The following TK2 variants were observed in gnomAD, a reference collection of about 807,000 sequenced individuals.
The protein encoded by TK2 is thymidine kinase 2.
TK2 carries 35 observed loss-of-function variants against 41.9 expected under a neutral mutation model. That is an observed-to-expected ratio of 0.84 (90% CI 0.64 to 1.11). TK2 has a LOEUF of 1.11. Ranked by LOEUF, TK2 falls within the 50% of genes least tolerant of loss-of-function variation. The probability of loss-of-function intolerance (pLI) is 0.00; values close to 1 mark genes in which losing one functional copy is unlikely to be tolerated. For missense variants in TK2, 320 were observed against 351.1 expected, an observed-to-expected ratio of 0.91 and a Z score of 0.71; for synonymous variants, 128 against 129.1, an observed-to-expected ratio of 0.99 and a Z score of 0.06.
Position 66,517,885 on chromosome 16 carries a change from G to C in TK2, c.450-8C>G, listed in dbSNP as rs1240258827. On this transcript the variant is annotated splice_region_variant and splice_polypyrimidine_tract_variant and intron_variant, in intron 6 of 9. Transcript: ENST00000544898. The surrounding 1 kb of genome is among the most constrained non-coding windows in gnomAD (Gnocchi z 4.3). ...ACTTCTGGCATCTTCCCACTGCAAT[G>C]AGAGTTGTAAGGGCTTATTCACCTA... 2 of 1,613,102 alleles carry C rather than the reference G, an allele frequency of 1.2e-6. No homozygotes were observed. Among genetic ancestry groups the C allele is most frequent in the African/African-American group, 2.7e-5 (2 of 75,054 alleles).
intron 6 of TK2, among the ~76,000 whole-genome samples, chr16:66,524,314 T>C (rs1964866410): frequency 1.3e-5 from 2 of 152,134 alleles, no homozygotes. Context: ...GGGCGCCCTG[T>C]GGACCACCTG....
At chr16:66,527,140 A>G (rs964281808) in intron 6 of TK2, among the ~76,000 whole-genome samples, 2 of 152,204 alleles carry the variant, frequency 1.3e-5, no homozygotes, top group Admixed American at 1.3e-4. Flanking sequence ...CTGGAAACCC[A>G]GGTTGTCAGG....
chr16:66,547,551 C>T (rs1965645879), intron 2 of TK2, among the ~76,000 whole-genome samples: 2 of 152,194 alleles, frequency 1.3e-5, no homozygotes, highest in Non-Finnish European at 1.5e-5. Flanking sequence ...TCTGCTCCAT[C>T]TCCCAGCAGG....
At chr16:66,516,402 T>C (rs780874704) in intron 8 of TK2, among the ~76,000 whole-genome samples, 13 of 152,136 alleles carry the variant, frequency 8.5e-5, no homozygotes, top group African/African-American at 1.9e-4. Flanking sequence ...AGAGAGGCAG[T>C]TGGGGCCGGG....
Position 66,548,033 on chromosome 16 carries a change from G to GGCCA in TK2, c.156+941_156+944dup, listed in dbSNP as rs533569438. 29 of 1,054,410 alleles carry GGCCA rather than the reference G, an allele frequency of 2.8e-5. No homozygotes were observed. In the South Asian group the frequency reaches 3.7e-4, roughly 13 times the overall value. 65.3% of individuals were successfully genotyped at this position (1,054,410 alleles called of 1,614,324 possible). A position where few individuals can be genotyped will look rare whatever the true frequency, so the allele number is the denominator to read the frequency against. On this transcript the variant is annotated intron_variant, in intron 2 of 9. Coordinates refer to ENST00000544898, the MANE Select transcript of TK2 (RefSeq NM_004614.5). ...GGATCACTTGAGCCCAGGAGTTGGA[G>GGCCA]GCCAGCCTGGGCAACACAGCAAGAC...
intron 6 of TK2, among the ~76,000 whole-genome samples, chr16:66,525,259 T>G (rs1221571698): frequency 1.3e-5 from 2 of 152,204 alleles, no homozygotes; most frequent in Admixed American, 6.5e-5. Context: ...TTAGGGACTC[T>G]GGGGTATGTG....
chr16:66,538,431 C>T (rs548590978), intron 3 of TK2, among the ~76,000 whole-genome samples: 3 of 152,252 alleles, frequency 2.0e-5, no homozygotes, highest in African/African-American at 7.2e-5. Flanking sequence ...TACACAGCAC[C>T]ACACAGGCCC....
intron 6 of TK2, among the ~76,000 whole-genome samples, chr16:66,520,374 C>T (rs1964744599): frequency 6.6e-6 from 1 of 152,162 alleles, no homozygotes; most frequent in Non-Finnish European, 1.5e-5. Context: ...AACCTCACCC[C>T]ACCCCAAGCT....
intron 5 of TK2, 66 bp downstream of exon 5, chr16:66,531,314 G>T: frequency 6.7e-7 from 1 of 1,500,344 alleles, no homozygotes; most frequent in Non-Finnish European, 9.2e-7. Flanking sequence ...TCCCTTCCTG[G>T]CAATCACATA....
intron 2 of TK2, among the ~76,000 whole-genome samples, chr16:66,543,886 T>C (rs1965530124): frequency 6.6e-6 from 1 of 152,116 alleles, no homozygotes; most frequent in African/African-American, 2.4e-5. Context: ...AGCCCACTCC[T>C]TTAGAGCCCC....
At chr16:66,521,298 C>T (rs1266544174) in intron 6 of TK2, among the ~76,000 whole-genome samples, 2 of 152,218 alleles carry the variant, frequency 1.3e-5, no homozygotes, top group African/African-American at 2.4e-5. Context: ...TGACAGACTC[C>T]GGTGGCTCTG....
At chr16:66,528,905 T>G (rs1965019016) in intron 6 of TK2, 89 bp downstream of exon 6, 2 of 1,255,992 alleles carry the variant, frequency 1.6e-6, no homozygotes, top group East Asian at 4.6e-5. Flanking sequence ...CAGCGGGTAC[T>G]CCATATCTGT....
chr16:66,538,164 AAAAAG>A (rs1253393889), intron 3 of TK2, among the ~76,000 whole-genome samples: 2 of 152,056 alleles, frequency 1.3e-5, no homozygotes, highest in East Asian at 1.9e-4. Context: ...CTCCGTCTCT[AAAAAG>A]AAAAGAAAAG....
chr16:66,531,958 A>C (rs546362782), intron 4 of TK2, among the ~76,000 whole-genome samples: 17 of 152,238 alleles, frequency 1.1e-4, no homozygotes, highest in Non-Finnish European at 1.8e-4. Flanking sequence ...GGGGACTCCT[A>C]GAGTGGGGAG....
Position 66,549,948 on chromosome 16 carries a change from G to A in TK2, c.114C>T (p.Ala38=), listed in dbSNP as rs928153105. The change falls in exon 1 of 10, where the codon GCC becomes GCT. Residue 38 remains alanine (A), a synonymous_variant. Coordinates refer to ENST00000544898, the MANE Select transcript of TK2 (RefSeq NM_004614.5). ...GPGPRRVQRR[A]WPPDKEQEKE... ...CAAGACGCGCGTTACCGGGAGGCCA[G>A]GCCCGGCGCTGCACCCTCCGCGGCC... is the stretch of plus-strand genomic sequence containing the variant. 59 of 1,365,262 alleles carry A rather than the reference G, an allele frequency of 4.3e-5. No individual in the cohort carries two copies. In the Admixed American group the frequency reaches 5.4e-4, roughly 13 times the overall value. 84.6% of individuals were successfully genotyped at this position (1,365,262 alleles called of 1,614,324 possible). A position where few individuals can be genotyped will look rare whatever the true frequency, so the allele number is the denominator to read the frequency against.
chr16:66,520,833 A>C (rs1964759712), intron 6 of TK2, among the ~76,000 whole-genome samples: 1 of 152,232 alleles, frequency 6.6e-6, no homozygotes, highest in Non-Finnish European at 1.5e-5. Context: ...CCAAACCACT[A>C]TCTCTTATTT....
At chr16:66,524,163 A>G (rs1299386611) in intron 6 of TK2, among the ~76,000 whole-genome samples, 1 of 152,182 alleles carries the variant, frequency 6.6e-6, no homozygotes, top group Non-Finnish European at 1.5e-5. Flanking sequence ...TGCACTGCGC[A>G]GAACTTTTCA....
intron 5 of TK2, among the ~76,000 whole-genome samples, chr16:66,530,480 C>CTGAT (rs1179163277): frequency 1.3e-5 from 2 of 152,190 alleles, no homozygotes; most frequent in Admixed American, 1.3e-4. Context: ...TCCCCAACAC[C>CTGAT]TGATTGAACC....
chr16:66,531,712 A>C (rs1965119257), intron 4 of TK2, among the ~76,000 whole-genome samples: 2 of 152,204 alleles, frequency 1.3e-5, no homozygotes, highest in African/African-American at 4.8e-5. Flanking sequence ...GGACCGGAGG[A>C]ATTAGGCCAG....
Sources: gnomAD v4.1 joint callset for allele counts (sites outside exome capture counted in the v4.1 genomes callset) on GRCh38, gnomAD v4.1.1 for gene constraint, Gnocchi (gnomAD v3.1) non-coding constraint, MANE v1.5 for transcripts, NCBI Gene and HGNC (gene_info 2026-07-23, HGNC 2026-07-21) for gene names.